The following CRADD variants were observed in gnomAD, a reference collection of about 807,000 sequenced individuals.
CRADD encodes the protein death domain-containing protein CRADD.
In CRADD, 9 loss-of-function variants were observed where a neutral mutation model predicts 15.5. The ratio of observed to expected loss-of-function variants is 0.58; its 90% CI spans 0.35 to 1.01. CRADD has a LOEUF of 1.01. CRADD is among the 50% of genes least tolerant of loss of function. The probability of loss-of-function intolerance (pLI) is 0.02; values close to 1 mark genes in which losing one functional copy is unlikely to be tolerated. For missense variants in CRADD, 227 were observed against 250.3 expected, an observed-to-expected ratio of 0.91 and a Z score of 0.63; for synonymous variants, 118 against 107.6, an observed-to-expected ratio of 1.10 and a Z score of -0.60.
Position 93,694,841 on chromosome 12 carries a change from T to A in CRADD, c.298+15769T>A, listed in dbSNP as rs1955662918. Among the ~76,000 whole-genome samples the A allele has an allele frequency of 2.0e-5, 3 of 152,212 alleles. No homozygotes were observed. In the South Asian group the frequency reaches 6.2e-4, roughly 31 times the overall value. ...CACAAATAAATGGGAGGAAACCTCA[T>A]GTTCATGGATTGAAAGAATTAATAC... is the stretch of plus-strand genomic sequence containing the variant. On this transcript the variant is annotated intron_variant, in intron 2 of 2. Coordinates refer to ENST00000332896, the MANE Select transcript of CRADD (RefSeq NM_003805.5).
chr12:93,779,039 T>C (rs1367177520), intron 2 of CRADD, among the ~76,000 whole-genome samples: 1 of 152,210 alleles, frequency 6.6e-6, no homozygotes, highest in Non-Finnish European at 1.5e-5. Flanking sequence ...TAGGTTAGTA[T>C]AGACAAGTGA....
At chr12:93,780,114 A>G (rs1333767943) in intron 2 of CRADD, among the ~76,000 whole-genome samples, 1 of 152,232 alleles carries the variant, frequency 6.6e-6, no homozygotes, top group Non-Finnish European at 1.5e-5. Flanking sequence ...CAAGAAAAAC[A>G]AGTAAAGGCT....
At chr12:93,849,740 C>CAAAAAAA (rs77041843) in intron 2 of CRADD, among the ~76,000 whole-genome samples, 1 of 62,254 alleles carries the variant, frequency 1.6e-5, no homozygotes, top group African/African-American at 5.2e-5. Context: ...AACACCGTCT[C>CAAAAAAA]AAAAAAAAAA....
At chr12:93,877,778 GA>G in intron 2 of CRADD, among the ~76,000 whole-genome samples, 1 of 152,164 alleles carries the variant, frequency 6.6e-6, no homozygotes, top group Non-Finnish European at 1.5e-5. Flanking sequence ...GACAGGTCCA[GA>G]AATGCCATCC....
intron 2 of CRADD, among the ~76,000 whole-genome samples, chr12:93,740,457 AT>A (rs1369354224): frequency 3.3e-5 from 5 of 152,100 alleles, no homozygotes; most frequent in African/African-American, 1.2e-4. Flanking sequence ...TCGAAAACCA[AT>A]TTTGGGGGAG....
intron 2 of CRADD, among the ~76,000 whole-genome samples, chr12:93,680,979 G>A (rs955484046): frequency 1.6e-4 from 24 of 151,952 alleles, no homozygotes; most frequent in African/African-American, 5.8e-4. Flanking sequence ...CTGCCTCCCG[G>A]GTTTAAGCAA....
chr12:93,681,124 T>C (rs550626451), intron 2 of CRADD, among the ~76,000 whole-genome samples: 1 of 152,294 alleles, frequency 6.6e-6, no homozygotes, highest in Admixed American at 6.5e-5. Context: ...CCTCAGGTGA[T>C]CCGCCCACCT....
chr12:93,888,770 C>G (rs1427859204), intron 2 of CRADD, among the ~76,000 whole-genome samples: 2 of 152,136 alleles, frequency 1.3e-5, no homozygotes, highest in Non-Finnish European at 2.9e-5. Flanking sequence ...TAGACAGATT[C>G]AAGAGCTCCT....
intron 2 of CRADD, among the ~76,000 whole-genome samples, chr12:93,761,836 C>T (rs1956968629): frequency 6.6e-6 from 1 of 152,156 alleles, no homozygotes; most frequent in African/African-American, 2.4e-5. Context: ...TTCTCTGTTG[C>T]TCAGCATGCT....
intron 2 of CRADD, among the ~76,000 whole-genome samples, chr12:93,698,933 AGC>A (rs1955776197): frequency 6.6e-6 from 1 of 152,206 alleles, no homozygotes; most frequent in Admixed American, 6.5e-5. Context: ...AGAGTCAGGT[AGC>A]TGCAACAGAG....
chr12:93,881,426 CA>C lies in CRADD; in HGVS notation c.299-12615del, dbSNP rs537773962. Reference sequence around the variant, plus strand: ...AATTTTTTTTGTGTTCTGCAGCTCTCAAAAAAAAAGTGTGGGGGGGGGGTGG... The same window carrying C: ...AATTTTTTTTGTGTTCTGCAGCTCTCAAAAAAAAGTGTGGGGGGGGGGTGG... On this transcript the variant is annotated intron_variant, in intron 2 of 2. Transcript: ENST00000548483. 1.2e-3 allele frequency among the ~76,000 whole-genome samples: 122 copies of C among 99,370 alleles called. 2 individuals are homozygous for C. The Middle Eastern group carries it at 0.026, about 21-fold the overall frequency. 65.2% of individuals were successfully genotyped at this position (99,370 alleles called of 152,430 possible).
chr12:93,858,880 C>T (rs1365909662), intron 2 of CRADD, among the ~76,000 whole-genome samples: 1 of 152,248 alleles, frequency 6.6e-6, no homozygotes, highest in Non-Finnish European at 1.5e-5. Context: ...ACAGCCAGGC[C>T]TTGTAGGTTT....
At chr12:93,726,543 G>T (rs1292596739) in intron 2 of CRADD, among the ~76,000 whole-genome samples, 1 of 152,084 alleles carries the variant, frequency 6.6e-6, no homozygotes, top group African/African-American at 2.4e-5. Context: ...ATTAGAGAAG[G>T]AAGCTTTACT....
chr12:93,811,886 C>T (rs1593010333), intron 2 of CRADD, among the ~76,000 whole-genome samples: 2 of 152,196 alleles, frequency 1.3e-5, no homozygotes, highest in Non-Finnish European at 2.9e-5. Flanking sequence ...GGGAAGCAAC[C>T]AAGATGCCCT....
intron 2 of CRADD, among the ~76,000 whole-genome samples, chr12:93,810,007 C>T (rs1032006552): frequency 2.0e-5 from 3 of 152,182 alleles, no homozygotes; most frequent in African/African-American, 4.8e-5. Flanking sequence ...AAAGAATTTA[C>T]CATCAGCAAG....
At chr12:93,867,005 T>C (rs1334675552) in intron 2 of CRADD, among the ~76,000 whole-genome samples, 1 of 152,112 alleles carries the variant, frequency 6.6e-6, no homozygotes, top group Non-Finnish European at 1.5e-5. Context: ...AATTTTCTGA[T>C]CACACAAAGT....
intron 2 of CRADD, among the ~76,000 whole-genome samples, chr12:93,744,962 G>A (rs969177380): frequency 2.1e-4 from 32 of 152,166 alleles, no homozygotes; most frequent in Admixed American, 1.8e-3. Flanking sequence ...TCTGCACTCT[G>A]ATTTTAACCA....
chr12:93,685,897 G>T (rs1258160844), intron 2 of CRADD, among the ~76,000 whole-genome samples: 1 of 152,112 alleles, frequency 6.6e-6, no homozygotes, highest in East Asian at 1.9e-4. Context: ...GGAGGCTGAG[G>T]CAGGAGAATC....
intron 2 of CRADD, among the ~76,000 whole-genome samples, chr12:93,748,818 A>T (rs570469716): frequency 6.6e-6 from 1 of 152,306 alleles, no homozygotes; most frequent in South Asian, 2.1e-4. Flanking sequence ...AGTTGATTGG[A>T]AACAGGTATC....
Sources: allele counts gnomAD v4.1 joint callset (sites outside exome capture counted in the v4.1 genomes callset), GRCh38; gene constraint gnomAD v4.1.1; transcripts MANE v1.5; gene names NCBI Gene and HGNC (gene_info 2026-07-23, HGNC 2026-07-21).